SP6: variants seen among roughly 807,000 people sequenced by gnomAD.
SP6 encodes the protein transcription factor Sp6.
SP6 carries 10 observed loss-of-function variants against 23.4 expected under a neutral mutation model. The ratio of observed to expected loss-of-function variants is 0.43; its 90% confidence interval spans 0.26 to 0.72. The LOEUF is 0.72. Among genes scored for constraint, SP6 ranks in the 30% least tolerant of loss-of-function variants. SP6 has a pLI of 0.23. For missense variants in SP6, 482 were observed against 523.8 expected (o/e 0.92, Z 0.78); for synonymous variants, 238 against 238.7 (o/e 1.00, Z 0.03).
chr17:47,848,339 T>G lies in SP6; in HGVS notation c.91A>C (p.Thr31Pro), dbSNP rs1168856553. 6.2e-7 allele frequency: 1 copy of G among 1,607,152 alleles called. No homozygotes were observed. Among genetic ancestry groups the G allele is most frequent in the South Asian group, 1.1e-5 (1 of 90,166 alleles). ...TCAGGGCTCGTGTGGCCCTGGTAAG[T>G]TTGGAGAGGCTGCAGGTCGAGGCGC... ...PPRLDLQPLQ[T>P]YQGHTSPEAG... The change falls in exon 2 of 2, where the codon ACT becomes CCT. Residue 31 changes from threonine to proline, a missense_variant. Physicochemically the swap from Thr to Pro is conservative, Grantham distance 38. Transcript: ENST00000536300. This position sits in a 1 kb window ranked among gnomAD's most constrained non-coding sequence, Gnocchi z 5.3.
In SP6 at chr17:47,848,388, C is replaced by A; in HGVS notation, c.42G>T (p.Thr14=). 2 of 1,550,214 alleles carry A rather than the reference C, an allele frequency of 1.3e-6. No individual in the cohort carries two copies. Among genetic ancestry groups the A allele is most frequent in the Non-Finnish European group, 1.7e-6 (2 of 1,148,140 alleles). The change falls in exon 2 of 2, where the codon ACG becomes ACT. Residue 14 remains threonine (T), a synonymous_variant. Transcript: ENST00000536300. This position sits in a 1 kb window ranked among gnomAD's most constrained non-coding sequence, Gnocchi z 5.3. ...GCGGCGGGGAGGCGTGCGGCGCTTC[C>A]GTGTGCTGGCTGCCCAGAGAGCCGC... ...AVCGSLGSQH[T]EAPHASPPRL...
chr17:47,853,831 G>A (rs908249879), upstream of SP6, among the ~76,000 whole-genome samples: 1 of 152,178 alleles, frequency 6.6e-6, no homozygotes, highest in Non-Finnish European at 1.5e-5. Context: ...TTCCTGCTCT[G>A]CCTAGGTTTC....
chr17:47,876,200 G>T, the SP6 span, among the ~76,000 whole-genome samples: 1 of 152,088 alleles, frequency 6.6e-6, no homozygotes, highest in Non-Finnish European at 1.5e-5. Flanking sequence ...AAGACCTGGA[G>T]TGAAAAAAGG....
chr17:47,848,109 C>A lies in SP6; in HGVS notation c.321G>T (p.Trp107Cys), dbSNP rs1376959161. Residue 107 changes from tryptophan to cysteine, a missense_variant, in exon 2 of 2, where the codon TGG becomes TGT. Around this residue, in one of 3 missense-constraint regions of SP6, gnomAD observed 330 missense variants for 332.3 expected, o/e 0.99. Transcript: ENST00000536300. The surrounding 1 kb of genome is among the most constrained non-coding windows in gnomAD (Gnocchi z 5.3). ...QPDMSHHYESWFRPTHPGAED... is the reference protein window; with the variant it reads ...QPDMSHHYESCFRPTHPGAED... Reference sequence around the variant, plus strand: ...CCGCGCCTGGGTGAGTCGGCCTGAACCACGATTCATAATGGTGTGACATGT... The same window carrying A: ...CCGCGCCTGGGTGAGTCGGCCTGAAACACGATTCATAATGGTGTGACATGT... The A allele has an allele frequency of 1.2e-6, 2 of 1,613,648 alleles. No homozygotes were observed. Among genetic ancestry groups the A allele is most frequent in the Non-Finnish European group, 1.7e-6 (2 of 1,179,996 alleles).
the SP6 span, among the ~76,000 whole-genome samples, chr17:47,873,672 G>C: frequency 2.1e-4 from 32 of 152,278 alleles, no homozygotes; most frequent in Admixed American, 1.8e-3. Flanking sequence ...GGGCCATCCC[G>C]CATTGCTGCC....
the SP6 span, among the ~76,000 whole-genome samples, chr17:47,874,461 A>G: frequency 6.6e-6 from 1 of 152,058 alleles, no homozygotes; most frequent in African/African-American, 2.4e-5. Flanking sequence ...AATTCCAGGT[A>G]TTTGGGAGGC....
At chr17:47,866,928 G>T in the SP6 span, among the ~76,000 whole-genome samples, 1 of 152,108 alleles carries the variant, frequency 6.6e-6, no homozygotes, top group Non-Finnish European at 1.5e-5. Context: ...TGAGCAGAGG[G>T]CAGGGCCAGG....
the SP6 span, among the ~76,000 whole-genome samples, chr17:47,874,089 C>T: frequency 5.3e-5 from 8 of 150,758 alleles, 1 homozygote; most frequent in Admixed American, 5.3e-4. Flanking sequence ...CCTCCTTCTT[C>T]TTCTTTTTTG....
At position 47,851,015 on chromosome 17, in the gene SP6, G is replaced by T. The variant is rs1378181930; in HGVS notation, c.-154C>A. 1 of 152,488 alleles carries T rather than the reference G, an allele frequency of 6.6e-6. No homozygotes were observed. Among genetic ancestry groups the T allele is most frequent in the African/African-American group, 2.4e-5 (1 of 41,446 alleles). 9.4% of individuals were successfully genotyped at this position (152,488 alleles called of 1,614,324 possible). A position where few individuals can be genotyped will look rare whatever the true frequency, so the allele number is the denominator to read the frequency against. Reference sequence around the variant, plus strand: ...CCGGCGAGCTCTCCAGCGGTAAGGGGCAGGAGCCCAGGGCGAGCCAGACCC... The same window carrying T: ...CCGGCGAGCTCTCCAGCGGTAAGGGTCAGGAGCCCAGGGCGAGCCAGACCC... On this transcript the variant is annotated 5_prime_UTR_variant, in exon 1 of 2. Transcript: ENST00000536300.
the SP6 span, among the ~76,000 whole-genome samples, chr17:47,871,196 C>T: frequency 6.6e-6 from 1 of 152,212 alleles, no homozygotes; most frequent in Non-Finnish European, 1.5e-5. Flanking sequence ...CATCCTATAT[C>T]CCTATTACTA....
At chr17:47,872,922 G>A in the SP6 span, among the ~76,000 whole-genome samples, 2 of 152,188 alleles carry the variant, frequency 1.3e-5, no homozygotes, top group East Asian at 1.9e-4. Flanking sequence ...TCCTGGGACC[G>A]GGGCTGGAGA....
At chr17:47,875,599 T>C in the SP6 span, among the ~76,000 whole-genome samples, 21 of 152,300 alleles carry the variant, frequency 1.4e-4, no homozygotes, top group South Asian at 4.4e-3. Flanking sequence ...CCAGAGGCAA[T>C]GAAGCAGCAA....
chr17:47,847,931 G>A lies in SP6; in HGVS notation c.499C>T (p.His167Tyr), dbSNP rs1467076889. ...GGAAGGAGGTGGTGCGCATGCGGGT[G>A]GGGTGGCGGGGCACAAAGCTGGTGG... The part of the protein sequence containing the change: ...GDHQLCAPPP[H>Y]PHAHHLLPAA... Residue 167 changes from histidine (H) to tyrosine (Y), a missense_variant, in exon 2 of 2, where the codon CAC (histidine) becomes TAC (tyrosine). His to Tyr is a moderately conservative substitution (Grantham distance 83). Transcript: ENST00000536300. 2 of 1,567,604 alleles carry A rather than the reference G, an allele frequency of 1.3e-6. No homozygotes were observed. Among genetic ancestry groups the A allele is most frequent in the East Asian group, 4.7e-5 (2 of 42,554 alleles).
upstream of SP6, among the ~76,000 whole-genome samples, chr17:47,857,883 C>G (rs935391404): frequency 6.6e-5 from 10 of 152,236 alleles, no homozygotes; most frequent in Admixed American, 5.2e-4. Flanking sequence ...AAGCCCCTCT[C>G]TCTTGATCTC....
At chr17:47,867,730 T>C in the SP6 span, among the ~76,000 whole-genome samples, 2 of 152,106 alleles carry the variant, frequency 1.3e-5, no homozygotes, top group Admixed American at 1.3e-4. Context: ...GGTTATGGTG[T>C]AGCTCCCTCT....
At chr17:47,864,591 G>A in the SP6 span, 1 of 152,288 alleles carries the variant, frequency 6.6e-6, no homozygotes, top group African/African-American at 2.4e-5. Flanking sequence ...CTGGACACCA[G>A]TAGGTGGTCA....
the SP6 span, among the ~76,000 whole-genome samples, chr17:47,872,417 G>C: frequency 6.6e-6 from 1 of 152,218 alleles, no homozygotes; most frequent in Non-Finnish European, 1.5e-5. Context: ...GGACCCGGGA[G>C]GGGAGTTCCC....
the SP6 span, among the ~76,000 whole-genome samples, chr17:47,870,540 C>T: frequency 2.6e-5 from 4 of 152,144 alleles, 1 homozygote; most frequent in South Asian, 8.3e-4. Context: ...GTAAGAAGTC[C>T]TTGGAGGGGG....
At position 47,847,913 on chromosome 17, in the gene SP6, G is replaced by A. The variant is rs866935672; in HGVS notation, c.517C>T (p.Leu173Phe). The A allele has an allele frequency of 1.3e-6, 2 of 1,566,490 alleles. No individual in the cohort carries two copies. Among genetic ancestry groups the A allele is most frequent in the Non-Finnish European group, 1.7e-6 (2 of 1,155,674 alleles). ...APPPHPHAHH[L>F]LPAAGGQHLL... ...TGCTGCCCTCCGGCAGCTGGAAGGA[G>A]GTGGTGCGCATGCGGGTGGGGTGGC... The change falls in exon 2 of 2, where the codon CTC becomes TTC. Residue 173 changes from leucine to phenylalanine, a missense_variant. By Grantham distance (22) the Leu-to-Phe change is conservative (BLOSUM62 0). Transcript: ENST00000536300.
Sources: allele counts gnomAD v4.1 joint callset (sites outside exome capture counted in the v4.1 genomes callset), GRCh38; gene constraint gnomAD v4.1.1; regional missense constraint gnomAD v4.1.1; non-coding constraint Gnocchi (gnomAD v3.1); transcripts MANE v1.5; gene names NCBI Gene and HGNC (gene_info 2026-07-23, HGNC 2026-07-21).